Variants in CFAP46 observed in about 807,000 individuals in gnomAD.
CFAP46 encodes cilia and flagella associated protein 46.
Under a neutral mutation model 325.7 loss-of-function variants are expected in CFAP46, and 245 were observed. That is an observed-to-expected ratio of 0.75 (90% CI 0.68 to 0.84). The LOEUF (loss-of-function observed/expected upper bound fraction) is 0.84, where lower values mean the gene tolerates loss of function less well. Among genes scored for constraint, CFAP46 ranks in the 40% least tolerant of loss-of-function variants. The pLI, the probability that CFAP46 is intolerant of heterozygous loss-of-function variation, is 0.00. For synonymous variants in CFAP46, 1,523 were observed against 1,495.9 expected (o/e 1.02, Z -0.42); for missense variants, 3,346 against 3,543.0 (o/e 0.94, Z 1.41).
chr10:132,930,135 C>T (rs928423197), intron 8 of CFAP46, among the ~76,000 whole-genome samples: 2 of 152,112 alleles, frequency 1.3e-5, no homozygotes, highest in Admixed American at 6.5e-5. Context: ...GACATGCGTA[C>T]TCAAAGCCAT....
At chr10:132,856,108 C>T (rs975057114) in intron 39 of CFAP46, among the ~76,000 whole-genome samples, 18 of 152,230 alleles carry the variant, frequency 1.2e-4, no homozygotes, top group African/African-American at 4.1e-4. Context: ...GTACAGAATT[C>T]CAGGTTGGCA....
At chr10:132,904,102 T>C (rs1849424672) in intron 22 of CFAP46, among the ~76,000 whole-genome samples, 2 of 152,280 alleles carry the variant, frequency 1.3e-5, no homozygotes, top group Non-Finnish European at 1.5e-5. Context: ...CTAGAGTTTC[T>C]ACACATAATT....
At chr10:132,873,589 C>T (rs912083131) in intron 31 of CFAP46, among the ~76,000 whole-genome samples, 1 of 151,772 alleles carries the variant, frequency 6.6e-6, no homozygotes, top group East Asian at 1.9e-4. Flanking sequence ...GGGTTCAGGG[C>T]CCACCAAGAG....
At chr10:132,812,363 C>T (rs894952719) in intron 55 of CFAP46, among the ~76,000 whole-genome samples, 8 of 152,284 alleles carry the variant, frequency 5.3e-5, no homozygotes, top group Middle Eastern at 6.8e-3. Flanking sequence ...TGGTGGATGG[C>T]GAAGGGGAAG....
chr10:132,817,351 G>A lies in CFAP46; in HGVS notation c.7118-2437C>T, dbSNP rs967825635. ...TTATCACGTGGGGGTCATTTGTGAC[G>A]GGCGTGCTTCCTGCAAAGGGCATGC... On this transcript the variant is annotated intron_variant, in intron 50 of 57. Transcript: ENST00000368586. The surrounding 1 kb of genome is among the most constrained non-coding windows in gnomAD (Gnocchi z 4.4). Among the ~76,000 whole-genome samples the A allele has an allele frequency of 2.0e-5, 3 of 152,128 alleles. No homozygotes were observed. Among genetic ancestry groups the A allele is most frequent in the African/African-American group, 7.2e-5 (3 of 41,408 alleles).
At chr10:132,900,687 AGGCAG>A (rs1849381567) in intron 22 of CFAP46, among the ~76,000 whole-genome samples, 1 of 152,250 alleles carries the variant, frequency 6.6e-6, no homozygotes, top group African/African-American at 2.4e-5. Context: ...ATGGCGACCT[AGGCAG>A]GGCAGGAAGG....
chr10:132,822,044 GA>G (rs1271525370), intron 50 of CFAP46, among the ~76,000 whole-genome samples: 6 of 139,164 alleles, frequency 4.3e-5, no homozygotes, highest in Middle Eastern at 5.1e-3. Context: ...GATGTGTGCT[GA>G]TGTGTGCTGT....
Position 132,859,210 on chromosome 10 carries a change from C to T in CFAP46, c.5236G>A (p.Ala1746Thr). The change falls in exon 38 of 58, where the codon GCG (alanine) becomes ACG (threonine). Residue 1746 changes from alanine to threonine, a missense_variant. Ala to Thr is a moderately conservative substitution (Grantham distance 58, BLOSUM62 0). Coordinates refer to ENST00000368586, the MANE Select transcript of CFAP46 (RefSeq NM_001200049.3). ...SLRVRVAQHS[A>T]VTEPTECSLL... ...GAGCACTCTGTGGGTTCAGTGACCG[C>T]TGAGTGCTGCGCAACTCTGACCCGC... 1.9e-6 allele frequency: 3 copies of T among 1,550,194 alleles called. No homozygotes were observed. Among genetic ancestry groups the T allele is most frequent in the African/African-American group, 2.7e-5 (2 of 73,176 alleles).
intron 44 of CFAP46, among the ~76,000 whole-genome samples, chr10:132,843,745 G>A (rs1176700187): frequency 7.6e-6 from 1 of 131,906 alleles, no homozygotes; most frequent in Non-Finnish European, 1.6e-5. Flanking sequence ...GTGTTCCCAG[G>A]GTGCTGTGGG....
At position 132,937,682 on chromosome 10, in the gene CFAP46, A is replaced by G. The variant is rs1465215516; in HGVS notation, c.537-7T>C. Reference sequence around the variant, plus strand: ...ATAACACTCCAGAAGTTCCCTGGATAATAGAAACACACCACTGGTCAACCT... The same window carrying G: ...ATAACACTCCAGAAGTTCCCTGGATGATAGAAACACACCACTGGTCAACCT... On this transcript the variant is annotated splice_region_variant and splice_polypyrimidine_tract_variant and intron_variant, in intron 5 of 57. Transcript: ENST00000368586. The G allele has an allele frequency of 3.8e-6, 6 of 1,598,692 alleles. No individual in the cohort carries two copies. Among genetic ancestry groups the G allele is most frequent in the Non-Finnish European group, 5.1e-6 (6 of 1,171,916 alleles).
At position 132,878,075 on chromosome 10, in the gene CFAP46, T is replaced by C. The variant is rs1034989532; in HGVS notation, c.4018A>G (p.Thr1340Ala). 5.2e-5 allele frequency: 81 copies of C among 1,547,150 alleles called. No homozygotes were observed. The highest frequency in any genetic ancestry group is 6.8e-5 in the Non-Finnish European group (78 of 1,145,486). Residue 1340 changes from threonine to alanine, a missense_variant, in exon 30 of 58, where the codon ACA becomes GCA. Coordinates refer to ENST00000368586, the MANE Select transcript of CFAP46 (RefSeq NM_001200049.3). ...FRHIWQVSLM[T>A]AGKSVLENRP... ...TTTTCCAGAACTGATTTTCCTGCTG[T>C]CATCAAAGAAACCTGGTGGGGATGA...
chr10:132,909,318 C>G (rs773626714), intron 20 of CFAP46, 74 bp from the exon 21 acceptor site: 229 of 1,023,776 alleles, frequency 2.2e-4, no homozygotes, highest in Non-Finnish European at 3.2e-4. Context: ...GAATTTAACA[C>G]TGCAAGGTAT....
intron 24 of CFAP46, among the ~76,000 whole-genome samples, chr10:132,892,725 T>G (rs1428760517): frequency 1.3e-5 from 2 of 152,238 alleles, no homozygotes; most frequent in Non-Finnish European, 2.9e-5. Flanking sequence ...GAGTGCACGT[T>G]CAGCGCCGCT....
At chr10:132,850,108 C>T (rs564807897) in intron 41 of CFAP46, 136 bp downstream of exon 41, 18 of 862,490 alleles carry the variant, frequency 2.1e-5, no homozygotes, top group African/African-American at 8.4e-5. Context: ...TCTTCCCTCA[C>T]GCCTACTTCC....
chr10:132,824,681 A>C (rs1472542022), intron 50 of CFAP46, among the ~76,000 whole-genome samples: 1 of 66,974 alleles, frequency 1.5e-5, no homozygotes, highest in Non-Finnish European at 2.7e-5. Context: ...CTGTGTGCTG[A>C]TGTGTGCTGT....
rs565847102 is a variant in CFAP46, at chr10:132,884,312, G to A, written c.3627+791C>T. ...CCTTGATCACCCAGTGCCCTGAGCC[G>A]GCACTCACACAGCACCGTCAGAGAC... is the stretch of plus-strand genomic sequence containing the variant. On this transcript the variant is annotated intron_variant, in intron 27 of 57. Transcript: ENST00000368586. The surrounding 1 kb of genome is among the most constrained non-coding windows in gnomAD (Gnocchi z 5.4). Among the ~76,000 whole-genome samples, 15 of 152,306 alleles carry A rather than the reference G, an allele frequency of 9.8e-5. No homozygotes were observed. The East Asian group carries it at 1.9e-3, about 20-fold the overall frequency.
Position 132,899,546 on chromosome 10 carries a change from C to A in CFAP46, c.3045G>T (p.Thr1015=). The change falls in exon 23 of 58, where the codon ACG becomes ACT. Residue 1015 remains threonine (T), a synonymous_variant. Transcript: ENST00000368586. ...TTAGAGCCACACACCTGGCGCTCTC[C>A]GTGAAGGCCTTGGCTGCCACCAGTC... The part of the protein sequence containing the change: ...QLRLVAAKAF[T]ESARFGGIAG... The A allele has an allele frequency of 6.5e-7, 1 of 1,548,116 alleles. No homozygotes were observed. The highest frequency in any genetic ancestry group is 8.7e-7 in the Non-Finnish European group (1 of 1,146,400).
Position 132,836,215 on chromosome 10 carries a change from G to C in CFAP46, c.6540C>G (p.Ser2180=), listed in dbSNP as rs975630484. 2 of 1,611,268 alleles carry C rather than the reference G, an allele frequency of 1.2e-6. No homozygotes were observed. Among genetic ancestry groups the C allele is most frequent in the African/African-American group, 1.3e-5 (1 of 74,390 alleles). ...ILFLHLSGDR[S]RLYGAAYEKP... ...TCTCGTAGGCAGCGCCGTACAGACG[G>C]GACCTGCTGGCAGGACGTGGGCCAG... Residue 2180 remains serine (S), a synonymous_variant, in exon 46 of 58, where the codon TCC becomes TCG. Transcript: ENST00000368586.
chr10:132,922,582 G>C lies in CFAP46; in HGVS notation c.1383C>G (p.Tyr461Ter). 6.5e-7 allele frequency: 1 copy of C among 1,548,760 alleles called. No homozygotes were observed. The highest frequency in any genetic ancestry group is 8.7e-7 in the Non-Finnish European group (1 of 1,146,822). Residue 461 changes from tyrosine (Y) to a stop codon, truncating the protein, a stop_gained, in exon 12 of 58, where the codon TAC (tyrosine) becomes TAG (stop). Coordinates refer to ENST00000368586, the MANE Select transcript of CFAP46 (RefSeq NM_001200049.3). LOFTEE classifies it high-confidence loss of function. ...TGGAGGCCATCTGGATCCTGTCCCG[G>C]TAGAGGCCCAGGCTGTCCAGGCGCG... Reference protein sequence around the residue: ...KAARLDSLGLYRDRIQMASTR... With the variant: ...KAARLDSLGL
Sources: allele counts gnomAD v4.1 joint callset (sites outside exome capture counted in the v4.1 genomes callset), GRCh38; gene constraint gnomAD v4.1.1; non-coding constraint Gnocchi (gnomAD v3.1); transcripts MANE v1.5; gene names NCBI Gene and HGNC (gene_info 2026-07-23, HGNC 2026-07-21).